ARPC1B: variants seen among roughly 807,000 people sequenced by gnomAD.
ARPC1B encodes the protein actin-related protein 2/3 complex subunit 1B.
Under a neutral mutation model 46.0 loss-of-function variants are expected in ARPC1B, and 29 were observed. The ratio of observed to expected loss-of-function variants is 0.63; its 90% CI spans 0.47 to 0.86. The LOEUF (loss-of-function observed/expected upper bound fraction) is 0.86, where lower values mean the gene tolerates loss of function less well. ARPC1B is among the 40% of genes least tolerant of loss of function. The pLI is 0.00. For missense variants in ARPC1B, 469 were observed against 529.4 expected, an observed-to-expected ratio of 0.89 and a Z score of 1.12; for synonymous variants, 201 against 213.9, an observed-to-expected ratio of 0.94 and a Z score of 0.53.
Position 99,386,735 on chromosome 7 carries a change from G to A in ARPC1B, c.115G>A (p.Gly39Ser), listed in dbSNP as rs148509279. ...TGAGGTGCATATCTATGAAAAGAGC[G>A]GTGCCAAATGGACCAAGGTGCACGA... ...NHEVHIYEKS[G>S]AKWTKVHELK... Residue 39 changes from glycine (G) to serine (S), a missense_variant, in exon 3 of 10, where the codon GGT becomes AGT. Coordinates refer to ENST00000646101, the MANE Select transcript of ARPC1B (RefSeq NM_005720.4). 31 of 1,614,124 alleles carry A rather than the reference G, an allele frequency of 1.9e-5. No homozygotes were observed. The highest frequency in any genetic ancestry group is 1.3e-4 in the East Asian group (6 of 44,886).
chr7:99,389,841 G>A, intron 4 of ARPC1B, 64 bp from the exon 5 acceptor site: 2 of 1,375,300 alleles, frequency 1.5e-6, no homozygotes, highest in South Asian at 2.4e-5. Context: ...AGTCCCTGGT[G>A]CTGAGGTCCA....
intron 4 of ARPC1B, 35 bp downstream of exon 4, chr7:99,388,296 GGGACCGGGGGCA>G: frequency 6.2e-7 from 1 of 1,604,338 alleles, no homozygotes; most frequent in South Asian, 1.1e-5. Flanking sequence ...TGGGCTGTTA[GGGACCGGGGGCA>G]GGACTAGAGT....
At chr7:99,383,196 G>A (rs557113324) in intron 1 of ARPC1B, among the ~76,000 whole-genome samples, 6 of 152,126 alleles carry the variant, frequency 3.9e-5, no homozygotes, top group Admixed American at 6.6e-5. Flanking sequence ...GTAGGGTGGC[G>A]TGAGCCTGTA....
At chr7:99,379,143 G>A (rs764451751) in intron 1 of ARPC1B, among the ~76,000 whole-genome samples, 11 of 152,174 alleles carry the variant, frequency 7.2e-5, no homozygotes, top group African/African-American at 1.7e-4. Flanking sequence ...CCACCCACTT[G>A]TTGAATTGAG....
intron 1 of ARPC1B, among the ~76,000 whole-genome samples, chr7:99,380,314 T>TCC (rs2150887308): frequency 6.6e-6 from 1 of 151,352 alleles, no homozygotes; most frequent in East Asian, 1.9e-4. Flanking sequence ...ACTGGTAAGA[T>TCC]GTGGGGGTTG....
At chr7:99,378,688 TAAAAA>T (rs546700759) in intron 1 of ARPC1B, among the ~76,000 whole-genome samples, 147 of 143,920 alleles carry the variant, frequency 1.0e-3, no homozygotes, top group African/African-American at 3.6e-3. Context: ...ATCTCAAAAA[TAAAAA>T]AGAAAAAGAA....
In ARPC1B at chr7:99,392,736, G is replaced by A. The variant is rs567055871; in HGVS notation, c.849G>A (p.Gly283=). ...DAAAGMLSFG[G]RLDVPKQSSQ... ...CCGCGGGGATGCTGAGCTTCGGCGG[G>A]CGGCTGGACGTTCCTAAGCAGAGCT... Residue 283 remains glycine, a synonymous_variant, in exon 8 of 10, where the codon GGG becomes GGA. Transcript: ENST00000646101. 3 of 1,548,368 alleles carry A rather than the reference G, an allele frequency of 1.9e-6. No homozygotes were observed. The highest frequency in any genetic ancestry group is 1.7e-6 in the Non-Finnish European group (2 of 1,145,676).
chr7:99,374,498 C>T (rs1402547150), upstream of ARPC1B: 1 of 152,300 alleles, frequency 6.6e-6, no homozygotes, highest in Non-Finnish European at 1.5e-5. The surrounding 1 kb of genome is among the most constrained non-coding windows in gnomAD (Gnocchi z 5.0). Flanking sequence ...CTCCCAGCCT[C>T]AGTTTCCCCA....
At chr7:99,392,264 G>A (rs570875668) in intron 7 of ARPC1B, 33 of 187,230 alleles carry the variant, frequency 1.8e-4, no homozygotes, top group African/African-American at 7.5e-4. Context: ...GGTTCCTCCA[G>A]GTGTCCAGGA....
chr7:99,392,955 G>C, intron 8 of ARPC1B, 79 bp downstream of exon 8: 1 of 1,387,162 alleles, frequency 7.2e-7, no homozygotes, highest in Non-Finnish European at 9.6e-7. Context: ...AAGGGGCCTG[G>C]AGTCTTCCTC....
intron 7 of ARPC1B, among the ~76,000 whole-genome samples, chr7:99,391,577 G>C (rs1026132781): frequency 2.0e-5 from 3 of 152,114 alleles, no homozygotes; most frequent in East Asian, 3.9e-4. Flanking sequence ...TGAGACCCTT[G>C]TCTCTACAAA....
chr7:99,383,483 C>G (rs985155279), intron 1 of ARPC1B, among the ~76,000 whole-genome samples: 15 of 152,052 alleles, frequency 9.9e-5, no homozygotes, highest in Admixed American at 5.2e-4. Context: ...AAAAATGTGT[C>G]TCTGCCAAGC....
chr7:99,391,228 T>C lies in ARPC1B; in HGVS notation c.758T>C (p.Ile253Thr). 6.2e-7 allele frequency: 1 copy of C among 1,613,872 alleles called. No individual in the cohort carries two copies. Among genetic ancestry groups the C allele is most frequent in the Non-Finnish European group, 8.5e-7 (1 of 1,179,924 alleles). ...CTACCACTGCTGGCGCTGACCTTCA[T>C]CACAGACAACAGCCTGGTGGCAGCG... The part of the protein sequence containing the change: ...ETLPLLALTF[I>T]TDNSLVAAGH... The change falls in exon 7 of 10, where the codon ATC (isoleucine) becomes ACC (threonine). Residue 253 changes from isoleucine to threonine, a missense_variant. Ile to Thr is a moderately conservative substitution (Grantham distance 89). Coordinates refer to ENST00000646101, the MANE Select transcript of ARPC1B (RefSeq NM_005720.4).
chr7:99,394,380 G>A, intron 9 of ARPC1B, 71 bp from the exon 10 acceptor site: 2 of 1,352,186 alleles, frequency 1.5e-6, no homozygotes, highest in South Asian at 2.3e-5. Context: ...TGAGATGGGT[G>A]ATCAGGTCCC....
chr7:99,385,198 C>T (rs1252274468), intron 1 of ARPC1B, among the ~76,000 whole-genome samples: 4 of 151,278 alleles, frequency 2.6e-5, no homozygotes, highest in African/African-American at 7.3e-5. Context: ...GCAAGTGATC[C>T]GCCTGCCTCG....
intron 1 of ARPC1B, among the ~76,000 whole-genome samples, chr7:99,384,960 T>TTA (rs1794339019): frequency 8.5e-6 from 1 of 117,430 alleles, no homozygotes; most frequent in Non-Finnish European, 1.8e-5. Context: ...GCTAATTTTT[T>TTA]TTTTTTTTTT....
chr7:99,388,900 G>C (rs1413777031), intron 4 of ARPC1B: 1 of 150,888 alleles, frequency 6.6e-6, no homozygotes, highest in Non-Finnish European at 1.5e-5. Flanking sequence ...CAAAGTGTTG[G>C]GATTACAGGC....
At chr7:99,381,636 G>A (rs1794225828) in intron 1 of ARPC1B, among the ~76,000 whole-genome samples, 1 of 152,186 alleles carries the variant, frequency 6.6e-6, no homozygotes, top group African/African-American at 2.4e-5. Context: ...TGCTGCTCCA[G>A]GAATCTTCCA....
chr7:99,387,535 C>G (rs987784104), intron 3 of ARPC1B, among the ~76,000 whole-genome samples: 14 of 152,104 alleles, frequency 9.2e-5, no homozygotes, highest in Non-Finnish European at 1.8e-4. Context: ...GTCAGGAGTT[C>G]AAGACCAGCC....
Sources: allele counts gnomAD v4.1 joint callset (sites outside exome capture counted in the v4.1 genomes callset), GRCh38; gene constraint gnomAD v4.1.1; non-coding constraint Gnocchi (gnomAD v3.1); transcripts MANE v1.5; gene names NCBI Gene and HGNC (gene_info 2026-07-23, HGNC 2026-07-21).